Variants in INTS7 observed in about 807,000 individuals in gnomAD.
INTS7 encodes integrator complex subunit 7, also known as chromosome 1 open reading frame 73.
In INTS7, 46 loss-of-function variants were observed where a neutral mutation model predicts 109.2. That is an observed-to-expected ratio of 0.42 (90% CI 0.33 to 0.54). The LOEUF (loss-of-function observed/expected upper bound fraction) is 0.54. INTS7 is among the 20% of genes least tolerant of loss of function. The pLI, the probability that INTS7 is intolerant of heterozygous loss-of-function variation, is 0.07. For synonymous variants in INTS7, 412 were observed against 402.9 expected (o/e 1.02, Z -0.27); for missense variants, 929 against 1,132.4 (o/e 0.82, Z 2.58).
chr1:211,955,009 C>T (rs1240995485), intron 16 of INTS7, among the ~76,000 whole-genome samples: 7 of 152,140 alleles, frequency 4.6e-5, no homozygotes, highest in Non-Finnish European at 7.4e-5. Context: ...TTTCACGATA[C>T]TGATTCTTCC....
intron 7 of INTS7, among the ~76,000 whole-genome samples, chr1:212,001,368 C>T (rs1040630736): frequency 5.3e-5 from 8 of 152,074 alleles, no homozygotes; most frequent in African/African-American, 1.4e-4. Context: ...CCTCTTAAAA[C>T]GTTTTCTACA....
intron 11 of INTS7, among the ~76,000 whole-genome samples, chr1:211,977,356 A>T (rs914879868): frequency 3.3e-5 from 5 of 152,222 alleles, no homozygotes; most frequent in Admixed American, 3.3e-4. Flanking sequence ...AGACAATCTT[A>T]AGGTAGTACT....
chr1:211,976,921 A>G (rs560891010), intron 11 of INTS7, among the ~76,000 whole-genome samples: 1 of 152,332 alleles, frequency 6.6e-6, no homozygotes, highest in African/African-American at 2.4e-5. Flanking sequence ...ACAGCAAAGA[A>G]GTAGAAGCAA....
chr1:212,018,926 T>G (rs977583373), intron 3 of INTS7, among the ~76,000 whole-genome samples: 3 of 152,170 alleles, frequency 2.0e-5, no homozygotes, highest in African/African-American at 7.2e-5. Flanking sequence ...ATAGGTATAT[T>G]TGCTGAAGTA....
intron 19 of INTS7, among the ~76,000 whole-genome samples, chr1:211,944,060 C>A (rs903841807): frequency 2.0e-5 from 3 of 152,066 alleles, no homozygotes; most frequent in Non-Finnish European, 1.5e-5. Context: ...CCCAAGGCAG[C>A]AAATCCCTAG....
At chr1:211,996,751 G>A (rs931224752) in intron 7 of INTS7, among the ~76,000 whole-genome samples, 2 of 152,136 alleles carry the variant, frequency 1.3e-5, no homozygotes, top group Admixed American at 6.5e-5. Context: ...ATGGCCTGGC[G>A]CAGTGGTACA....
chr1:211,947,006 A>G (rs1255387175), intron 17 of INTS7, among the ~76,000 whole-genome samples: 2 of 152,230 alleles, frequency 1.3e-5, no homozygotes, highest in African/African-American at 2.4e-5. Context: ...CTATCAGTAT[A>G]TTATTAAACA....
intron 16 of INTS7, 142 bp from the exon 17 acceptor site, chr1:211,952,843 C>A: frequency 1.2e-6 from 1 of 826,798 alleles, no homozygotes; most frequent in Non-Finnish European, 1.8e-6. Flanking sequence ...AAAATTGAGG[C>A]TAGGAGAGGG....
rs112916738 is a variant in INTS7 at position 212,017,052 on chromosome 1, C to T, written c.372-29G>A. 826 of 1,527,848 alleles carry T rather than the reference C, an allele frequency of 5.4e-4. 2 individuals are homozygous for T. In the African/African-American group the frequency reaches 9.7e-3, roughly 18 times the overall value. 94.6% of individuals were successfully genotyped at this position (1,527,848 alleles called of 1,614,324 possible). On this transcript the variant is annotated intron_variant, in intron 3 of 19. Transcript: ENST00000366994. ...CAGAAACAGAGAAACCCAAGAAGAT[C>T]GGGCATAAAATAAAGTCAAGGTCAG...
chr1:211,966,493 T>C lies in INTS7; in HGVS notation c.2120A>G (p.Gln707Arg). ...ATGAGATATCAGTAAACAGCTCTGC[T>C]GCTGTCTGGATTGATGTTAAGGTTA... ...SATLRNVELQ[Q>R]QSCLLISHAI... The change falls in exon 16 of 20, where the codon CAG (glutamine) becomes CGG (arginine). Residue 707 changes from glutamine to arginine, a missense_variant. Transcript: ENST00000366994. 2 of 1,606,126 alleles carry C rather than the reference T, an allele frequency of 1.2e-6. No homozygotes were observed. Among genetic ancestry groups the C allele is most frequent in the Non-Finnish European group, 1.7e-6 (2 of 1,173,932 alleles).
Position 211,946,062 on chromosome 1 carries a change from C to T in INTS7, c.2415+545G>A, listed in dbSNP as rs1205052919. ...GAGACAAACAACAGAGCTCCAGTTACCCAAATGCCTGTCTCATAGAATTTG... is the reference window on the plus strand; with the variant it reads ...GAGACAAACAACAGAGCTCCAGTTATCCAAATGCCTGTCTCATAGAATTTG... On this transcript the variant is annotated intron_variant, in intron 18 of 19. Transcript: ENST00000366994. The surrounding 1 kb of genome is among the most constrained non-coding windows in gnomAD (Gnocchi z 4.3). Among the ~76,000 whole-genome samples the T allele has an allele frequency of 2.0e-5, 3 of 152,190 alleles. No homozygotes were observed. Among genetic ancestry groups the T allele is most frequent in the African/African-American group, 7.2e-5 (3 of 41,440 alleles).
Position 211,940,765 on chromosome 1 carries a change from G to C in INTS7, c.*1059C>G, listed in dbSNP as rs1377016532. 1 of 152,144 alleles carries C rather than the reference G, an allele frequency of 6.6e-6. No homozygotes were observed. The highest frequency in any genetic ancestry group is 1.5e-5 in the Non-Finnish European group (1 of 68,028). The allele number at this position is 152,144 out of a possible 1,614,324, so 9.4% of individuals were successfully genotyped here. A position where few individuals can be genotyped will look rare whatever the true frequency, so the allele number is the denominator to read the frequency against. ...CAATCAGTCTAGCATAACTCATCAA[G>C]TATAAACCAAACCAATCACCAACCA... On this transcript the variant is annotated 3_prime_UTR_variant, in exon 20 of 20. Transcript: ENST00000366994.
intron 1 of INTS7, among the ~76,000 whole-genome samples, chr1:212,024,633 T>A (rs2102496511): frequency 6.6e-6 from 1 of 152,314 alleles, no homozygotes. Flanking sequence ...AACTAGTGGA[T>A]GAATAAACAA....
At chr1:211,974,936 G>C (rs144680747) in intron 13 of INTS7, among the ~76,000 whole-genome samples, 1 of 152,238 alleles carries the variant, frequency 6.6e-6, no homozygotes, top group Non-Finnish European at 1.5e-5. Context: ...CATTCTGCAT[G>C]GATTCAGCAA....
At chr1:211,948,269 G>A (rs1458684759) in intron 17 of INTS7, among the ~76,000 whole-genome samples, 1 of 152,214 alleles carries the variant, frequency 6.6e-6, no homozygotes, top group Non-Finnish European at 1.5e-5. Context: ...TAGTACAAAT[G>A]CCAAGTCTAT....
chr1:211,948,173 T>A (rs909210669), intron 17 of INTS7, among the ~76,000 whole-genome samples: 2 of 152,146 alleles, frequency 1.3e-5, no homozygotes, highest in Non-Finnish European at 2.9e-5. Context: ...TTTTTTTTTT[T>A]AAAGTTGGGT....
chr1:211,968,769 G>A, intron 13 of INTS7, 62 bp from the exon 14 acceptor site: 1 of 1,313,600 alleles, frequency 7.6e-7, no homozygotes, highest in Non-Finnish European at 1.0e-6. Flanking sequence ...AGATGGGGCA[G>A]TACCAAGTAT....
chr1:212,006,142 G>A (rs146926493), intron 7 of INTS7, among the ~76,000 whole-genome samples: 203 of 152,284 alleles, frequency 1.3e-3, no homozygotes, highest in Middle Eastern at 3.4e-3. Context: ...GATGGTAAGA[G>A]ATGGTGTCAA....
chr1:211,971,160 G>A (rs1002960646), intron 13 of INTS7, among the ~76,000 whole-genome samples: 1 of 152,082 alleles, frequency 6.6e-6, no homozygotes, highest in Non-Finnish European at 1.5e-5. Context: ...TCTTTGTTGA[G>A]GGGGGCTCTC....
Sources: allele counts gnomAD v4.1 joint callset (sites outside exome capture counted in the v4.1 genomes callset), GRCh38; gene constraint gnomAD v4.1.1; non-coding constraint Gnocchi (gnomAD v3.1); transcripts MANE v1.5; gene names NCBI Gene and HGNC (gene_info 2026-07-23, HGNC 2026-07-21).